CCDC192: variants seen among roughly 807,000 people sequenced by gnomAD.
CCDC192 encodes coiled-coil domain containing 192.
chr5:127,935,320 C>T (rs542056303), intron 6 of CCDC192: 2 of 152,300 alleles, frequency 1.3e-5, no homozygotes, highest in African/African-American at 4.8e-5. Context: ...TGGCTAGCAA[C>T]AAGTATATTT....
chr5:127,752,831 G>A lies in CCDC192; in HGVS notation c.115-1437G>A, dbSNP rs187608677. Among the ~76,000 whole-genome samples the A allele has an allele frequency of 2.5e-3, 382 of 152,310 alleles. 1 individual carries two copies. The highest frequency in any genetic ancestry group is 7.5e-3 in the African/African-American group (312 of 41,574). On this transcript the variant is annotated intron_variant, in intron 2 of 6. Coordinates refer to ENST00000514853, the MANE Select transcript of CCDC192 (RefSeq NM_001317938.2). Reference sequence around the variant, plus strand: ...AATCTCGTGGTGCGCCGTTTTTTAAGCCGGTTGGAAAAGTGCGGTATTCGG... The same window carrying A: ...AATCTCGTGGTGCGCCGTTTTTTAAACCGGTTGGAAAAGTGCGGTATTCGG...
intron 6 of CCDC192, among the ~76,000 whole-genome samples, chr5:127,903,207 C>G (rs1056068581): frequency 5.3e-5 from 8 of 151,960 alleles, no homozygotes; most frequent in African/African-American, 1.9e-4. Flanking sequence ...TAGAACAATC[C>G]TGCCTAAGTT....
intron 3 of CCDC192, among the ~76,000 whole-genome samples, chr5:127,781,572 ATTCCTTT>A (rs1756223047): frequency 7.7e-6 from 1 of 129,624 alleles, no homozygotes; most frequent in African/African-American, 2.9e-5. Flanking sequence ...ATTCCTAAGT[ATTCCTTT>A]TTTTTTTTTT....
chr5:127,763,664 C>T (rs1034093438), intron 3 of CCDC192, among the ~76,000 whole-genome samples: 1 of 152,144 alleles, frequency 6.6e-6, no homozygotes, highest in East Asian at 1.9e-4. Flanking sequence ...TCCAGCTTTA[C>T]CTTACACCAC....
chr5:127,751,244 A>G (rs1329440518), intron 2 of CCDC192, among the ~76,000 whole-genome samples: 3 of 152,056 alleles, frequency 2.0e-5, no homozygotes, highest in Non-Finnish European at 4.4e-5. Flanking sequence ...ATTTTGCAGC[A>G]GCTGGTACCA....
chr5:127,833,889 T>A (rs913209253), intron 5 of CCDC192, among the ~76,000 whole-genome samples: 4 of 152,084 alleles, frequency 2.6e-5, no homozygotes, highest in African/African-American at 9.7e-5. Flanking sequence ...TACACAATGT[T>A]TACCATGCAT....
intron 5 of CCDC192, among the ~76,000 whole-genome samples, chr5:127,874,181 A>T (rs1751975230): frequency 6.6e-6 from 1 of 152,172 alleles, no homozygotes; most frequent in Non-Finnish European, 1.5e-5. Context: ...GTTGTGGCTC[A>T]CGGTACCTCT....
At chr5:127,731,579 C>A (rs1752642002) in intron 2 of CCDC192, among the ~76,000 whole-genome samples, 2 of 152,140 alleles carry the variant, frequency 1.3e-5, no homozygotes, top group Admixed American at 1.3e-4. Context: ...GCAAACAGAG[C>A]AAAGCTGGAG....
At chr5:127,844,450 C>A (rs1750435710) in intron 5 of CCDC192, among the ~76,000 whole-genome samples, 1 of 152,166 alleles carries the variant, frequency 6.6e-6, no homozygotes, top group Non-Finnish European at 1.5e-5. Context: ...AATAACAGAG[C>A]TGAGTAGAAT....
intron 5 of CCDC192, among the ~76,000 whole-genome samples, chr5:127,839,167 A>G (rs1361134694): frequency 6.6e-6 from 1 of 152,246 alleles, no homozygotes; most frequent in Admixed American, 6.5e-5. Context: ...TAAGGCAATA[A>G]TAAGGCTACC....
chr5:127,857,014 C>A (rs1376754783), intron 5 of CCDC192, among the ~76,000 whole-genome samples: 1 of 152,140 alleles, frequency 6.6e-6, no homozygotes, highest in Non-Finnish European at 1.5e-5. Context: ...CATCAGATTG[C>A]CACACACTTT....
chr5:127,890,981 A>C (rs961466830), intron 6 of CCDC192, among the ~76,000 whole-genome samples: 1 of 152,150 alleles, frequency 6.6e-6, no homozygotes, highest in Non-Finnish European at 1.5e-5. Flanking sequence ...CTTTCTCACT[A>C]TTCTGTACCC....
chr5:127,899,874 C>G (rs1580808976), intron 6 of CCDC192, among the ~76,000 whole-genome samples: 2 of 152,222 alleles, frequency 1.3e-5, no homozygotes, highest in East Asian at 3.8e-4. Context: ...GTCCTGATTT[C>G]TGTGTGGGAC....
At chr5:127,843,041 T>TG (rs1212971412) in intron 5 of CCDC192, among the ~76,000 whole-genome samples, 1 of 145,084 alleles carries the variant, frequency 6.9e-6, no homozygotes, top group Non-Finnish European at 1.5e-5. Context: ...TTTTTTTTTT[T>TG]TTTTTTTTTT....
intron 3 of CCDC192, among the ~76,000 whole-genome samples, chr5:127,779,101 C>T (rs373923466): frequency 1.6e-4 from 25 of 151,796 alleles, no homozygotes; most frequent in African/African-American, 6.0e-4. Flanking sequence ...TTTTTTTATT[C>T]TCTAGCTTGT....
intron 5 of CCDC192, among the ~76,000 whole-genome samples, chr5:127,824,694 G>T (rs1435803872): frequency 6.6e-6 from 1 of 152,172 alleles, no homozygotes; most frequent in Admixed American, 6.5e-5. Context: ...AATCCATTGT[G>T]ATTGCTGGAG....
At chr5:127,724,865 A>G (rs886402588) in intron 2 of CCDC192, among the ~76,000 whole-genome samples, 2 of 143,990 alleles carry the variant, frequency 1.4e-5, no homozygotes, top group African/African-American at 5.0e-5. Flanking sequence ...AAAAAAAAAG[A>G]AGAAAAGAAA....
intron 3 of CCDC192, among the ~76,000 whole-genome samples, chr5:127,769,926 T>C (rs1260144913): frequency 2.6e-5 from 4 of 151,588 alleles, no homozygotes; most frequent in Non-Finnish European, 5.9e-5. Flanking sequence ...GAGAGAAAGA[T>C]ATAGAGATAG....
chr5:127,892,632 G>A (rs1752764367), intron 6 of CCDC192, among the ~76,000 whole-genome samples: 1 of 152,192 alleles, frequency 6.6e-6, no homozygotes, highest in Admixed American at 6.5e-5. Context: ...GCAACTGGCA[G>A]TGCAGTCCTC....
Sources: allele counts gnomAD v4.1 joint callset (sites outside exome capture counted in the v4.1 genomes callset), GRCh38; gene constraint gnomAD v4.1.1; transcripts MANE v1.5; gene names NCBI Gene and HGNC (gene_info 2026-07-23, HGNC 2026-07-21).